RNF114: variants seen among roughly 807,000 people sequenced by gnomAD.
The protein encoded by RNF114 is ring finger protein 114.
In RNF114, 6 loss-of-function variants were observed where a neutral mutation model predicts 28.4. The observed-to-expected ratio is 0.21, with a 90% CI of 0.12 to 0.42. RNF114 has a LOEUF of 0.42. Among genes scored for constraint, RNF114 ranks in the 10% least tolerant of loss-of-function variants. RNF114 has a pLI of 1.00. For missense variants in RNF114, 249 were observed against 311.7 expected, an observed-to-expected ratio of 0.80 and a Z score of 1.51; for synonymous variants, 115 against 116.7, an observed-to-expected ratio of 0.99 and a Z score of 0.09.
At chr20:49,947,046 C>T (rs1008731962) in intron 4 of RNF114, among the ~76,000 whole-genome samples, 4 of 151,958 alleles carry the variant, frequency 2.6e-5, no homozygotes, top group Non-Finnish European at 5.9e-5. Flanking sequence ...ATGGTGAAAC[C>T]CCATCTCTAC....
chr20:49,945,400 C>T lies in RNF114; in HGVS notation c.310C>T (p.Arg104Trp), dbSNP rs1017816166. ...CRKNFFLSKI[R>W]SHVATCSKYQ... ...ATTTGAGTTCTTCCTGTCCAAGATC[C>T]GGTCCCACGTGGCTACTTGTTCCAA... The change falls in exon 3 of 6, where the codon CGG (arginine) becomes TGG (tryptophan). Residue 104 changes from arginine to tryptophan, a missense_variant. By Grantham distance (101) the Arg-to-Trp change is moderately radical. This residue lies in a region of RNF114 where 126 missense variants were observed against 205.3 expected (regional missense o/e 0.61). Transcript: ENST00000244061. 5 of 1,611,822 alleles carry T rather than the reference C, an allele frequency of 3.1e-6. No individual in the cohort carries two copies. Among genetic ancestry groups the T allele is most frequent in the Non-Finnish European group, 1.7e-6 (2 of 1,177,976 alleles).
Position 49,936,551 on chromosome 20 carries a change from G to T in RNF114, c.139G>T (p.Val47Phe). The T allele has an allele frequency of 5.7e-6, 9 of 1,583,776 alleles. No individual in the cohort carries two copies. The highest frequency in any genetic ancestry group is 7.7e-6 in the Non-Finnish European group (9 of 1,166,798). The part of the protein sequence containing the change: ...EKPVQVPCGH[V>F]FCSACLQECL... ...GCCGGTACAGGTGCCCTGCGGACAC[G>T]TGTAAGCGGCGAGCCCGGGCCTGGT... The change falls in exon 1 of 6, where the codon GTC becomes TTC. Residue 47 changes from valine (V) to phenylalanine (F), a missense_variant and splice_region_variant. Transcript: ENST00000244061.
At chr20:49,949,377 T>C in intron 5 of RNF114, 22 bp downstream of exon 5, 1 of 1,593,096 alleles carries the variant, frequency 6.3e-7, no homozygotes. Flanking sequence ...GCCTGGGCTC[T>C]GATCCCTCCC....
intron 2 of RNF114, 76 bp from the exon 3 acceptor site, chr20:49,945,306 T>TGGTC: frequency 3.5e-6 from 3 of 852,670 alleles, no homozygotes; most frequent in Admixed American, 1.9e-5. Flanking sequence ...GTTTTCTTTG[T>TGGTC]GCCCTTGTTT....
At chr20:49,949,120 A>C (rs2090346089) in intron 4 of RNF114, 128 bp from the exon 5 acceptor site, 2 of 693,300 alleles carry the variant, frequency 2.9e-6, no homozygotes, top group Admixed American at 2.5e-5. Flanking sequence ...GTGCACAGGA[A>C]GGAGTTACTG....
chr20:49,941,267 A>G (rs151104112), intron 1 of RNF114: 317 of 292,380 alleles, frequency 1.1e-3, no homozygotes, highest in Non-Finnish European at 1.7e-3. Flanking sequence ...TGGAGATTCA[A>G]GAAACCCCAC....
At chr20:49,949,061 G>T (rs2090345851) in intron 4 of RNF114, among the ~76,000 whole-genome samples, 187 bp from the exon 5 acceptor site, 1 of 152,200 alleles carries the variant, frequency 6.6e-6, no homozygotes, top group South Asian at 2.1e-4. Flanking sequence ...AGTCCCACGT[G>T]TCATTTGACT....
intron 5 of RNF114, among the ~76,000 whole-genome samples, chr20:49,950,384 T>TTGGTTTGGGGACAGGTGCGGTGCAG (rs2090350848): frequency 6.6e-6 from 1 of 151,860 alleles, no homozygotes; most frequent in Non-Finnish European, 1.5e-5. Flanking sequence ...GTTATAGAAC[T>TTGGTTTGGGGACAGGTGCGGTGCAG]TGGTTTGGGG....
intron 3 of RNF114, 51 bp downstream of exon 3, chr20:49,945,539 C>T (rs373825985): frequency 1.6e-6 from 1 of 609,412 alleles, no homozygotes; most frequent in Non-Finnish European, 2.6e-6. Flanking sequence ...GCTATTAATA[C>T]AAAGAGGTTG....
At chr20:49,945,820 C>T (rs2090328441) in intron 3 of RNF114, among the ~76,000 whole-genome samples, 1 of 152,314 alleles carries the variant, frequency 6.6e-6, no homozygotes, top group South Asian at 2.1e-4. Context: ...CACCTGCCAC[C>T]ATGCCTGGCT....
intron 5 of RNF114, among the ~76,000 whole-genome samples, chr20:49,949,992 C>T (rs144361842): frequency 0.037 from 5,534 of 149,406 alleles, 142 homozygotes; most frequent in East Asian, 0.093. Flanking sequence ...TGGCTCACAC[C>T]TGTAATCCCA....
chr20:49,942,180 G>A (rs1329706058), intron 2 of RNF114, among the ~76,000 whole-genome samples: 1 of 152,062 alleles, frequency 6.6e-6, no homozygotes, highest in Non-Finnish European at 1.5e-5. Context: ...GATCACTTGA[G>A]CCCAGGAGTT....
chr20:49,949,240 G>A lies in RNF114; in HGVS notation c.514-8G>A. Reference sequence around the variant, plus strand: ...TGGGTGCCTAAGACCTTGCTTTTGTGTTGAAAGGTTTGTCCGATATGTGCC... The same window carrying A: ...TGGGTGCCTAAGACCTTGCTTTTGTATTGAAAGGTTTGTCCGATATGTGCC... On this transcript the variant is annotated splice_polypyrimidine_tract_variant and splice_region_variant and intron_variant, in intron 4 of 5. Coordinates refer to ENST00000244061, the MANE Select transcript of RNF114 (RefSeq NM_018683.4). 2 of 1,613,424 alleles carry A rather than the reference G, an allele frequency of 1.2e-6. No homozygotes were observed. Among genetic ancestry groups the A allele is most frequent in the South Asian group, 2.2e-5 (2 of 91,062 alleles).
In RNF114 at chr20:49,952,483, G is replaced by T. The variant is rs1600873859; in HGVS notation, c.*342G>T. ...CACTCATTCCTCCCATCCAGTGTTT[G>T]TCTCTCGGGTCCTTCAAGCCAGCCA... is the stretch of plus-strand genomic sequence containing the variant. On this transcript the variant is annotated 3_prime_UTR_variant, in exon 6 of 6. Transcript: ENST00000244061. 6.3e-6 allele frequency: 3 copies of T among 478,302 alleles called. No individual in the cohort carries two copies. In the East Asian group the frequency reaches 9.3e-5, roughly 15 times the overall value. 29.6% of individuals were successfully genotyped at this position (478,302 alleles called of 1,614,324 possible).
At chr20:49,937,544 G>A (rs1404467301) in intron 1 of RNF114, among the ~76,000 whole-genome samples, 1 of 152,192 alleles carries the variant, frequency 6.6e-6, no homozygotes, top group Non-Finnish European at 1.5e-5. Flanking sequence ...TTAGGGAAGG[G>A]TCACCGTGGC....
At position 49,952,539 on chromosome 20, in the gene RNF114, GA is replaced by G; in HGVS notation, c.*400del. On this transcript the variant is annotated 3_prime_UTR_variant, in exon 6 of 6. Transcript: ENST00000244061. ...TTTTCTGGGTCATGAATAGCACAAT[GA>G]AGCAAGTGTCTCCTTTCCTTGTCCC... 2 of 343,344 alleles carry G rather than the reference GA, an allele frequency of 5.8e-6. No individual in the cohort carries two copies. The highest frequency in any genetic ancestry group is 1.1e-5 in the Non-Finnish European group (2 of 188,492). 21.3% of individuals were successfully genotyped at this position (343,344 alleles called of 1,614,324 possible).
chr20:49,951,996 A>AGGCTGTCCTGCTTCGGATCCAGTTGCTT, intron 5 of RNF114, 80 bp from the exon 6 acceptor site: 1 of 1,226,580 alleles, frequency 8.2e-7, no homozygotes, highest in Non-Finnish European at 1.2e-6. Flanking sequence ...TCCAGTTGCT[A>AGGCTGTCCTGCTTCGGATCCAGTTGCTT]GGCTGTCCTG....
chr20:49,936,444 C>G lies in RNF114; in HGVS notation c.32C>G (p.Ala11Gly), dbSNP rs774708503. 2.6e-5 allele frequency: 40 copies of G among 1,545,762 alleles called. No homozygotes were observed. Among genetic ancestry groups the G allele is most frequent in the Non-Finnish European group, 3.3e-5 (38 of 1,146,896 alleles). The change falls in exon 1 of 6, where the codon GCT (alanine) becomes GGT (glycine). Residue 11 changes from alanine (A) to glycine (G), a missense_variant. Ala to Gly is a moderately conservative substitution (Grantham distance 60). This residue lies in a region of RNF114 where 123 missense variants were observed against 106.4 expected (regional missense o/e 1.16). Coordinates refer to ENST00000244061, the MANE Select transcript of RNF114 (RefSeq NM_018683.4). The stretch of plus-strand genomic sequence containing the variant: ...GCGCAACAGCGGGACTGCGGGGGTG[C>G]TGCGCAGCTGGCGGGGCCGGCGGCG... Reference protein sequence around the residue: MAAQQRDCGGAAQLAGPAAEA... With the variant: MAAQQRDCGGGAQLAGPAAEA...
intron 5 of RNF114, 34 bp downstream of exon 5, chr20:49,949,389 T>A: frequency 6.5e-7 from 1 of 1,535,600 alleles, no homozygotes; most frequent in South Asian, 1.1e-5. Context: ...ATCCCTCCCC[T>A]GGGGGAGTGG....
Sources: allele counts gnomAD v4.1 joint callset (sites outside exome capture counted in the v4.1 genomes callset), GRCh38; gene constraint gnomAD v4.1.1; regional missense constraint gnomAD v4.1.1; transcripts MANE v1.5; gene names NCBI Gene and HGNC (gene_info 2026-07-23, HGNC 2026-07-21).